CEP72: variants seen among roughly 807,000 people sequenced by gnomAD.
CEP72 encodes the protein centrosomal protein of 72 kDa.
A neutral mutation model predicts 65.7 loss-of-function variants in CEP72; 78 were observed. The observed-to-expected ratio is 1.19, with a 90% CI of 0.99 to 1.43. The LOEUF (loss-of-function observed/expected upper bound fraction) is 1.43. CEP72 is among the 40% of genes most tolerant of loss of function. CEP72 has a pLI of 0.00. For synonymous variants in CEP72, 358 were observed against 351.7 expected, an observed-to-expected ratio of 1.02 and a Z score of -0.20; for missense variants, 914 against 832.9, an observed-to-expected ratio of 1.10 and a Z score of -1.20.
chr5:640,298 T>G, intron 8 of CEP72, 110 bp from the exon 9 acceptor site: 1 of 1,452,704 alleles, frequency 6.9e-7, no homozygotes, highest in African/African-American at 1.4e-5. Context: ...TCCCTACCTG[T>G]CGTCTTTTTG....
chr5:651,362 T>A (rs919145391), intron 11 of CEP72, among the ~76,000 whole-genome samples: 5 of 148,052 alleles, frequency 3.4e-5, no homozygotes, highest in African/African-American at 1.3e-4. Context: ...GACTGAGGCA[T>A]GGACTGTGAG....
At chr5:646,892 G>A (rs1348329238) in intron 10 of CEP72, among the ~76,000 whole-genome samples, 1 of 152,212 alleles carries the variant, frequency 6.6e-6, no homozygotes, top group Non-Finnish European at 1.5e-5. Context: ...TCTTGTGTTT[G>A]GGGTCCCAAG....
chr5:643,183 C>T lies in CEP72; in HGVS notation c.1540-1116C>T, dbSNP rs78480573. 9,011 of 981,352 alleles carry T rather than the reference C, an allele frequency of 9.2e-3. 618 individuals carry two copies. In the African/African-American group the frequency reaches 0.14, roughly 16 times the overall value. 60.8% of individuals were successfully genotyped at this position (981,352 alleles called of 1,614,324 possible). A position where few individuals can be genotyped will look rare whatever the true frequency, so the allele number is the denominator to read the frequency against. ...TTGCTCCACTGCCCTCTAGTTTGTGCGACAGAGGGAGACTTTGCCTCAAAG... is the reference window on the plus strand; with the variant it reads ...TTGCTCCACTGCCCTCTAGTTTGTGTGACAGAGGGAGACTTTGCCTCAAAG... On this transcript the variant is annotated intron_variant, in intron 9 of 11. Coordinates refer to ENST00000264935, the MANE Select transcript of CEP72 (RefSeq NM_018140.4).
intron 4 of CEP72, among the ~76,000 whole-genome samples, chr5:629,512 T>C (rs946418562): frequency 8.1e-6 from 1 of 124,192 alleles, no homozygotes; most frequent in African/African-American, 3.3e-5. Context: ...CCAGTCCTGG[T>C]GGGGTTCTGT....
At chr5:628,307 A>G (rs1176169340) in intron 4 of CEP72, among the ~76,000 whole-genome samples, 1 of 152,262 alleles carries the variant, frequency 6.6e-6, no homozygotes, top group Non-Finnish European at 1.5e-5. Flanking sequence ...CATACCGCAC[A>G]GAGGAGGTGG....
At position 647,905 on chromosome 5, in the gene CEP72, G is replaced by A. The variant is rs1738528342; in HGVS notation, c.1767G>A (p.Gln589=). 1.2e-6 allele frequency: 2 copies of A among 1,610,914 alleles called. No homozygotes were observed. Among genetic ancestry groups the A allele is most frequent in the South Asian group, 1.1e-5 (1 of 90,756 alleles). ...TCCAGGAGCTCACGCAGATGCTGCA[G>A]GAGAGCCACAGGTGCCTGCCCGTGA... is the stretch of plus-strand genomic sequence containing the variant. ...DKIQELTQML[Q]ESHSSLVSTN... The change falls in exon 11 of 12, where the codon CAG becomes CAA. Residue 589 remains glutamine (Q), a synonymous_variant. Coordinates refer to ENST00000264935, the MANE Select transcript of CEP72 (RefSeq NM_018140.4).
rs1353685774 is a variant in CEP72, at chr5:637,895, C to T, written c.1206+77C>T. 40 of 1,338,578 alleles carry T rather than the reference C, an allele frequency of 3.0e-5. No individual in the cohort carries two copies. The East Asian group carries it at 8.4e-4, about 28-fold the overall frequency. The allele number at this position is 1,338,578 out of a possible 1,614,324, so 82.9% of individuals were successfully genotyped here. On this transcript the variant is annotated intron_variant, in intron 7 of 11. Coordinates refer to ENST00000264935, the MANE Select transcript of CEP72 (RefSeq NM_018140.4). ...GGGGCTGTTACGGCTTTGGCGGGGC[C>T]GTGATTACGCCTGCGGCACTGACTG...
chr5:664,236 C>G (rs983076787), intron 2 of CEP72: 2 of 152,646 alleles, frequency 1.3e-5, no homozygotes, highest in East Asian at 3.7e-4. Context: ...GAGGCTCTGT[C>G]ACGCGGTGAG....
At position 643,539 on chromosome 5, in the gene CEP72, C is replaced by T. The variant is rs191051497; in HGVS notation, c.1540-760C>T. ...CACTGAGCGGAGAAGGATGAAGCGG[C>T]GATACCCCCAGCACGAGGCTTCTGC... On this transcript the variant is annotated intron_variant, in intron 9 of 11. Transcript: ENST00000264935. 21 of 985,396 alleles carry T rather than the reference C, an allele frequency of 2.1e-5. No homozygotes were observed. The East Asian group carries it at 8.0e-4, about 37-fold the overall frequency. 61.0% of individuals were successfully genotyped at this position (985,396 alleles called of 1,614,324 possible). A position where few individuals can be genotyped will look rare whatever the true frequency, so the allele number is the denominator to read the frequency against.
Position 616,200 on chromosome 5 carries a change from G to T in CEP72, c.83-2790G>T, listed in dbSNP as rs553430672. On this transcript the variant is annotated intron_variant, in intron 1 of 11. Transcript: ENST00000264935. ...CAGTTGTCTTAGGGCAGGTCTGCTT[G>T]TGACAGATTCTCTTAGTTTTTCTCT... Among the ~76,000 whole-genome samples, 20 of 152,234 alleles carry T rather than the reference G, an allele frequency of 1.3e-4. No individual in the cohort carries two copies. In the South Asian group the frequency reaches 3.9e-3, roughly 30 times the overall value.
intron 9 of CEP72, chr5:643,355 G>A (rs1421909623): frequency 5.2e-5 from 51 of 985,326 alleles, no homozygotes; most frequent in East Asian, 1.1e-4. Context: ...GCTGGTTGGC[G>A]CCACTGCAGC....
chr5:622,743 ATTAACAAT>A (rs1736472958), intron 3 of CEP72, among the ~76,000 whole-genome samples: 1 of 148,396 alleles, frequency 6.7e-6, no homozygotes, highest in Admixed American at 6.8e-5. Context: ...GGCCGTGGAC[ATTAACAAT>A]GGACCCCCCC....
intron 3 of CEP72, chr5:665,434 T>C (rs1580071152): frequency 3.9e-6 from 3 of 778,608 alleles, no homozygotes; most frequent in East Asian, 5.4e-5. Context: ...TTTATGCCCC[T>C]TTTAATTCTT....
At chr5:612,639 G>C in intron 1 of CEP72, 196 bp downstream of exon 1, 2 of 985,008 alleles carry the variant, frequency 2.0e-6, no homozygotes, top group South Asian at 4.7e-5. Flanking sequence ...TGCGGCCCCT[G>C]CCCGCGTTCG....
intron 2 of CEP72, chr5:663,750 C>T (rs1739779725): frequency 6.6e-6 from 1 of 152,462 alleles, no homozygotes; most frequent in African/African-American, 2.4e-5. Context: ...CACGGGCTAA[C>T]AGGCTCTGGA....
At position 653,098 on chromosome 5, in the gene CEP72, C is replaced by CTTCTT. The variant is rs1561068003; in HGVS notation, c.1889_1890insTTCTT (p.Met631SerfsTer61). The CTTCTT allele has an allele frequency of 1.2e-6, 2 of 1,613,508 alleles. No individual in the cohort carries two copies. Among genetic ancestry groups the CTTCTT allele is most frequent in the Non-Finnish European group, 1.7e-6 (2 of 1,179,986 alleles). ...TGGAGCTACCAGGAGCTCAAGAAGACCATGGCCCTGTTTCCACACAGCAGC... is the reference window on the plus strand; with the variant it reads ...TGGAGCTACCAGGAGCTCAAGAAGACTTCTTCATGGCCCTGTTTCCACACAGCAGC... On this transcript the variant is annotated frameshift_variant, in exon 12 of 12. Transcript: ENST00000264935. LOFTEE classifies it low-confidence loss of function (END_TRUNC).
At chr5:637,471 C>G (rs374788059) in intron 6 of CEP72, 46 bp from the exon 7 acceptor site, 1 of 1,553,308 alleles carries the variant, frequency 6.4e-7, no homozygotes. Context: ...AACACTGCAC[C>G]CAGAGAATTT....
At chr5:647,709 C>A (rs1387203775) in intron 10 of CEP72, 96 bp from the exon 11 acceptor site, 2 of 817,192 alleles carry the variant, frequency 2.4e-6, no homozygotes, top group Non-Finnish European at 4.0e-6. Context: ...TTTCTGGTAA[C>A]CAAGATCCAG....
At chr5:668,280 C>T (rs60443587), downstream of CEP72, among the ~76,000 whole-genome samples, 3 of 49,256 alleles carry the variant, frequency 6.1e-5, no homozygotes, top group East Asian at 8.2e-4. Flanking sequence ...GAGGGGTCCG[C>T]GTGGGCGCCG....
Sources: gnomAD v4.1 joint callset for allele counts (sites outside exome capture counted in the v4.1 genomes callset) on GRCh38, gnomAD v4.1.1 for gene constraint, MANE v1.5 for transcripts, NCBI Gene and HGNC (gene_info 2026-07-23, HGNC 2026-07-21) for gene names.